SNX14: variants seen among roughly 807,000 people sequenced by gnomAD.
SNX14 encodes sorting nexin-14.
Under a neutral mutation model 133.8 loss-of-function variants are expected in SNX14, and 93 were observed. The ratio of observed to expected loss-of-function variants is 0.70; its 90% CI spans 0.59 to 0.83. SNX14 has a LOEUF of 0.83. SNX14 is among the 40% of genes least tolerant of loss of function. SNX14 has a pLI of 0.00. For synonymous variants in SNX14, 368 were observed against 365.6 expected, an observed-to-expected ratio of 1.01 and a Z score of -0.07; for missense variants, 945 against 1,094.9, an observed-to-expected ratio of 0.86 and a Z score of 1.93.
chr6:85,513,641 A>C (rs1773729703), intron 26 of SNX14, among the ~76,000 whole-genome samples, 159 bp downstream of exon 26: 1 of 152,220 alleles, frequency 6.6e-6, no homozygotes, highest in African/African-American at 2.4e-5. Flanking sequence ...CTAACATCTG[A>C]AAGAATTATT....
In SNX14 at chr6:85,541,984, C is replaced by T. The variant is rs771019498; in HGVS notation, c.1448+1G>A. The T allele has an allele frequency of 1.3e-6, 2 of 1,594,342 alleles. No individual in the cohort carries two copies. Among genetic ancestry groups the T allele is most frequent in the South Asian group, 1.2e-5 (1 of 86,766 alleles). ...GTTCAAAAACAAAACATACAACCTA[C>T]CTGTTCAATTTTGAATTGCGTGTTG... On this transcript the variant is annotated splice_donor_variant, in intron 15 of 28. Coordinates refer to ENST00000314673, the MANE Select transcript of SNX14 (RefSeq NM_153816.6). LOFTEE classifies it high-confidence loss of function.
rs759172857 is a variant in SNX14, at chr6:85,513,768, T to C, written c.2653+32A>G. The C allele has an allele frequency of 9.9e-6, 15 of 1,510,014 alleles. No individual in the cohort carries two copies. The Admixed American group carries it at 1.5e-4, about 16-fold the overall frequency. 93.5% of individuals were successfully genotyped at this position (1,510,014 alleles called of 1,614,324 possible). A position where few individuals can be genotyped will look rare whatever the true frequency, so the allele number is the denominator to read the frequency against. The stretch of plus-strand genomic sequence containing the variant: ...GTGACCTCAACGGACTGCTAATCTA[T>C]ATGAAATTAAGTTACTTCTTAAATA... On this transcript the variant is annotated intron_variant, in intron 26 of 28. Coordinates refer to ENST00000314673, the MANE Select transcript of SNX14 (RefSeq NM_153816.6).
intron 1 of SNX14, among the ~76,000 whole-genome samples, chr6:85,589,918 G>T (rs1802277809): frequency 6.6e-6 from 1 of 152,156 alleles, no homozygotes; most frequent in Non-Finnish European, 1.5e-5. Context: ...AGTACCATGT[G>T]TAATGCCTTA....
chr6:85,593,435 C>A (rs953576018), intron 1 of SNX14, 144 bp downstream of exon 1: 2 of 1,309,504 alleles, frequency 1.5e-6, no homozygotes, highest in Non-Finnish European at 2.0e-6. Context: ...CCGTGCTCCC[C>A]GAGGCCGCTC....
chr6:85,517,617 G>T, intron 23 of SNX14, 139 bp downstream of exon 23: 1 of 1,004,406 alleles, frequency 1.0e-6, no homozygotes. Context: ...TCTGTATACC[G>T]TTCAACTGAT....
intron 26 of SNX14, among the ~76,000 whole-genome samples, chr6:85,511,981 T>A (rs1007378872): frequency 1.3e-5 from 2 of 152,190 alleles, no homozygotes; most frequent in East Asian, 3.9e-4. Context: ...GGGGTCTCAA[T>A]CTTTTAGTGA....
At chr6:85,579,435 T>C (rs1798370035) in intron 1 of SNX14, among the ~76,000 whole-genome samples, 1 of 152,152 alleles carries the variant, frequency 6.6e-6, no homozygotes, top group South Asian at 2.1e-4. Flanking sequence ...AAAAAAACCT[T>C]CATAAGAATC....
At chr6:85,586,079 A>G (rs1399498898) in intron 1 of SNX14, among the ~76,000 whole-genome samples, 1 of 152,186 alleles carries the variant, frequency 6.6e-6, no homozygotes, top group Non-Finnish European at 1.5e-5. Flanking sequence ...TTAAAATACA[A>G]GACACTACAA....
chr6:85,571,692 G>A (rs1795663990), intron 4 of SNX14, among the ~76,000 whole-genome samples: 1 of 152,098 alleles, frequency 6.6e-6, no homozygotes, highest in Admixed American at 6.6e-5. Context: ...ACAAAGATAA[G>A]AGAACATGCT....
chr6:85,515,216 G>A (rs148970275), intron 23 of SNX14, among the ~76,000 whole-genome samples: 1,722 of 123,714 alleles, frequency 0.014, 36 homozygotes, highest in African/African-American at 0.05. Flanking sequence ...ACAGTGAGCC[G>A]AAATCGTGCC....
rs1267454572 is a variant in SNX14 at position 85,547,501 on chromosome 6, C to T, written c.912+5G>A. On this transcript the variant is annotated splice_donor_5th_base_variant and intron_variant, in intron 10 of 28. Transcript: ENST00000314673. Reference sequence around the variant, plus strand: ...GAAGTGTTTTCTAATATATTCAATACTCACTGGACTGTCATCTATGAAGAT... The same window carrying T: ...GAAGTGTTTTCTAATATATTCAATATTCACTGGACTGTCATCTATGAAGAT... 3 of 1,604,584 alleles carry T rather than the reference C, an allele frequency of 1.9e-6. No individual in the cohort carries two copies. Among genetic ancestry groups the T allele is most frequent in the Non-Finnish European group, 2.5e-6 (3 of 1,176,992 alleles).
At chr6:85,542,761 G>T (rs2128069238) in intron 14 of SNX14, among the ~76,000 whole-genome samples, 1 of 151,892 alleles carries the variant, frequency 6.6e-6, no homozygotes, top group Non-Finnish European at 1.5e-5. Flanking sequence ...CTTAATCTTG[G>T]TTTTTTTGTT....
intron 1 of SNX14, among the ~76,000 whole-genome samples, chr6:85,592,438 C>T (rs1803094508): frequency 1.3e-5 from 2 of 152,194 alleles, no homozygotes; most frequent in Admixed American, 1.3e-4. Context: ...GAGAAAACAG[C>T]TTGCGGATGC....
chr6:85,518,189 T>C, intron 21 of SNX14, 141 bp from the exon 22 acceptor site: 1 of 629,870 alleles, frequency 1.6e-6, no homozygotes. Flanking sequence ...CATTTCACAC[T>C]CCATGGAAAT....
intron 1 of SNX14, among the ~76,000 whole-genome samples, chr6:85,580,698 TTAGATTGA>T (rs1473504578): frequency 6.6e-6 from 1 of 152,070 alleles, no homozygotes; most frequent in Non-Finnish European, 1.5e-5. Flanking sequence ...ACAGTAGTAG[TTAGATTGA>T]TAGAGTCTAG....
In SNX14 at chr6:85,555,995, T is replaced by TA. The variant is rs1408980876; in HGVS notation, c.634+1980dup. Reference sequence around the variant, plus strand: ...TAGAGCGAAACTGCGTCTCAAAAAATAAAAAAAAAAAACACCAAAAATCTA... The same window carrying TA: ...TAGAGCGAAACTGCGTCTCAAAAAATAAAAAAAAAAAAACACCAAAAATCTA... On this transcript the variant is annotated intron_variant, in intron 7 of 28. Coordinates refer to ENST00000314673, the MANE Select transcript of SNX14 (RefSeq NM_153816.6). Among the ~76,000 whole-genome samples, 614 of 130,052 alleles carry TA rather than the reference T, an allele frequency of 4.7e-3. 7 individuals are homozygous for TA. Among genetic ancestry groups the TA allele is most frequent in the African/African-American group, 0.013 (444 of 34,106 alleles). The allele number at this position is 130,052 out of a possible 152,430, so 85.3% of individuals were successfully genotyped here. A position where few individuals can be genotyped will look rare whatever the true frequency, so the allele number is the denominator to read the frequency against.
At chr6:85,545,867 G>A (rs188767040) in intron 12 of SNX14, among the ~76,000 whole-genome samples, 2 of 152,170 alleles carry the variant, frequency 1.3e-5, no homozygotes, top group African/African-American at 2.4e-5. Flanking sequence ...TATTTTTGTC[G>A]AGACAGGGTT....
intron 4 of SNX14, among the ~76,000 whole-genome samples, chr6:85,569,668 T>A (rs1794961229): frequency 6.6e-6 from 1 of 152,046 alleles, no homozygotes; most frequent in Non-Finnish European, 1.5e-5. Context: ...CAGACCTGAG[T>A]TTTTTATTGA....
chr6:85,519,257 TA>T (rs1223780008), intron 21 of SNX14, among the ~76,000 whole-genome samples: 1 of 152,220 alleles, frequency 6.6e-6, no homozygotes, highest in Non-Finnish European at 1.5e-5. Context: ...GGTGTGGGTA[TA>T]GACAGAAGCC....
Sources: allele counts gnomAD v4.1 joint callset (sites outside exome capture counted in the v4.1 genomes callset), GRCh38; gene constraint gnomAD v4.1.1; transcripts MANE v1.5; gene names NCBI Gene and HGNC (gene_info 2026-07-23, HGNC 2026-07-21).